NRXN3: variants seen among roughly 807,000 people sequenced by gnomAD.
NRXN3 encodes the protein neurexin 3.
A neutral mutation model predicts 137.6 loss-of-function variants in NRXN3; 32 were observed. The observed-to-expected ratio is 0.23, with a 90% CI of 0.18 to 0.31. The LOEUF is 0.31. Ranked by LOEUF, NRXN3 falls within the 10% of genes least tolerant of loss-of-function variation. The pLI, the probability that NRXN3 is intolerant of heterozygous loss-of-function variation, is 1.00. For missense variants in NRXN3, 1,574 were observed against 2,062.5 expected (o/e 0.76, Z 4.59); for synonymous variants, 798 against 784.5 (o/e 1.02, Z -0.29).
At chr14:79,391,232 G>A (rs1345501989) in intron 15 of NRXN3, among the ~76,000 whole-genome samples, 1 of 152,048 alleles carries the variant, frequency 6.6e-6, no homozygotes, top group Non-Finnish European at 1.5e-5. Flanking sequence ...GAATATTTTA[G>A]ACACTGGAGA....
intron 4 of NRXN3, among the ~76,000 whole-genome samples, chr14:78,510,784 C>G (rs916596016): frequency 6.6e-6 from 1 of 152,122 alleles, no homozygotes; most frequent in Admixed American, 6.5e-5. Context: ...AGATTCTTAG[C>G]TAGAAGAGGC....
chr14:79,467,467 A>C, intron 16 of NRXN3, 65 bp downstream of exon 16: 1 of 1,410,420 alleles, frequency 7.1e-7, no homozygotes, highest in Non-Finnish European at 9.7e-7. Context: ...TGATTCAGGT[A>C]GACGCAGCAG....
At chr14:79,617,381 G>A (rs2098168867) in intron 16 of NRXN3, among the ~76,000 whole-genome samples, 1 of 150,888 alleles carries the variant, frequency 6.6e-6, no homozygotes, top group South Asian at 2.1e-4. Context: ...TATGCAGTAG[G>A]ATCAATTTCA....
intron 4 of NRXN3, among the ~76,000 whole-genome samples, chr14:78,592,974 C>G (rs1046519322): frequency 1.3e-5 from 2 of 152,188 alleles, no homozygotes; most frequent in African/African-American, 4.8e-5. Context: ...TCGTCGTCAT[C>G]GGCAGAGCGA....
chr14:79,538,651 A>G (rs892745398), intron 16 of NRXN3, among the ~76,000 whole-genome samples: 2 of 152,090 alleles, frequency 1.3e-5, no homozygotes, highest in African/African-American at 4.8e-5. Flanking sequence ...CCTCTGTCAG[A>G]TGGATAGTTT....
intron 16 of NRXN3, among the ~76,000 whole-genome samples, chr14:79,474,306 A>G (rs987165427): frequency 1.3e-5 from 2 of 152,180 alleles, no homozygotes; most frequent in Non-Finnish European, 2.9e-5. Context: ...CACTGCACTA[A>G]TGGAGAATGG....
chr14:78,379,425 A>AGTAGAAGG (rs1426990452), intron 4 of NRXN3, among the ~76,000 whole-genome samples: 1 of 152,226 alleles, frequency 6.6e-6, no homozygotes, highest in African/African-American at 2.4e-5. Flanking sequence ...GAACAAGTAA[A>AGTAGAAGG]GTAGAAGGGT....
chr14:78,580,351 C>A (rs1025110582), intron 4 of NRXN3, among the ~76,000 whole-genome samples: 1 of 152,282 alleles, frequency 6.6e-6, no homozygotes, highest in African/African-American at 2.4e-5. Flanking sequence ...CAACTTACTC[C>A]TTTCTTACCA....
At chr14:78,225,944 G>GTT (rs145656010) in intron 1 of NRXN3, among the ~76,000 whole-genome samples, 1 of 148,032 alleles carries the variant, frequency 6.8e-6, no homozygotes, top group African/African-American at 2.5e-5. Context: ...AGTAGCAGGT[G>GTT]TTTTTTTGGT....
In NRXN3 at chr14:78,913,274, C is replaced by CTTTCTTT. The variant is rs1225280841; in HGVS notation, c.2276-43965_2276-43964insCTTTTTT. On this transcript the variant is annotated intron_variant, in intron 10 of 20. Transcript: ENST00000335750. ...TCTTTCTTTCTTTCTTTCTTTCTTT[C>CTTTCTTT]TTTTTTTTTTTTTTTTTTTTTTTTG... Among the ~76,000 whole-genome samples the CTTTCTTT allele has an allele frequency of 0.01, 482 of 47,804 alleles. 28 individuals are homozygous for CTTTCTTT. The East Asian group carries it at 0.13, about 13-fold the overall frequency. 31.4% of individuals were successfully genotyped at this position (47,804 alleles called of 152,430 possible).
intron 15 of NRXN3, among the ~76,000 whole-genome samples, chr14:79,370,578 A>G (rs1232479695): frequency 6.6e-6 from 1 of 151,826 alleles, no homozygotes; most frequent in Non-Finnish European, 1.5e-5. Flanking sequence ...TCAGCCTCCC[A>G]AAGTGCTGGG....
chr14:78,822,926 C>T (rs971709781), intron 10 of NRXN3, among the ~76,000 whole-genome samples: 1 of 152,116 alleles, frequency 6.6e-6, no homozygotes, highest in South Asian at 2.1e-4. Context: ...CACTTCTAAT[C>T]ACTAATACCT....
chr14:79,106,450 A>G (rs1048997193), intron 15 of NRXN3, among the ~76,000 whole-genome samples: 1 of 152,102 alleles, frequency 6.6e-6, no homozygotes, highest in South Asian at 2.1e-4. Context: ...GTAGGAAGAC[A>G]CTGAACAGAA....
chr14:78,813,908 C>G (rs2098923111), intron 10 of NRXN3, among the ~76,000 whole-genome samples: 2 of 152,170 alleles, frequency 1.3e-5, no homozygotes, highest in Non-Finnish European at 2.9e-5. Flanking sequence ...TGGCCCAGTT[C>G]CATGCCAAGT....
intron 15 of NRXN3, among the ~76,000 whole-genome samples, chr14:79,443,773 C>G (rs185133310): frequency 6.6e-6 from 1 of 152,290 alleles, no homozygotes; most frequent in African/African-American, 2.4e-5. Context: ...TTCTCAACAT[C>G]AGCTACTTCT....
intron 1 of NRXN3, among the ~76,000 whole-genome samples, chr14:78,212,312 T>G (rs2062827892): frequency 6.6e-6 from 1 of 151,916 alleles, no homozygotes; most frequent in Admixed American, 6.5e-5. Context: ...ACAGAACAAT[T>G]TTATTTTATT....
chr14:78,267,195 T>C (rs896528187), intron 2 of NRXN3, among the ~76,000 whole-genome samples: 3 of 152,186 alleles, frequency 2.0e-5, no homozygotes, highest in Non-Finnish European at 4.4e-5. Flanking sequence ...TTATATACAA[T>C]TGATTCTTTT....
intron 4 of NRXN3, among the ~76,000 whole-genome samples, chr14:78,431,712 G>A (rs140872944): frequency 4.3e-4 from 66 of 152,214 alleles, no homozygotes; most frequent in African/African-American, 1.5e-3. Context: ...TGGCTTTAGT[G>A]ACTGGTCTAC....
At chr14:79,254,937 C>T (rs1348554188) in intron 15 of NRXN3, among the ~76,000 whole-genome samples, 1 of 151,602 alleles carries the variant, frequency 6.6e-6, no homozygotes, top group Non-Finnish European at 1.5e-5. Flanking sequence ...CTGATTCTAC[C>T]TCTTTTTTCA....
Sources: gnomAD v4.1 joint callset for allele counts (sites outside exome capture counted in the v4.1 genomes callset) on GRCh38, gnomAD v4.1.1 for gene constraint, MANE v1.5 for transcripts, NCBI Gene and HGNC (gene_info 2026-07-23, HGNC 2026-07-21) for gene names.